ZDHHC14: variants seen among roughly 807,000 people sequenced by gnomAD.
ZDHHC14 encodes the protein palmitoyltransferase ZDHHC14.
Under a neutral mutation model 47.7 loss-of-function variants are expected in ZDHHC14, and 16 were observed. That is an observed-to-expected ratio of 0.34 (90% CI 0.23 to 0.51). The LOEUF (loss-of-function observed/expected upper bound fraction) is 0.51. ZDHHC14 is among the 20% of genes least tolerant of loss of function. The probability of loss-of-function intolerance (pLI) is 0.97; values close to 1 mark genes in which losing one functional copy is unlikely to be tolerated. For missense variants in ZDHHC14, 515 were observed against 662.5 expected (o/e 0.78, Z 2.44); for synonymous variants, 293 against 278.9 (o/e 1.05, Z -0.50).
chr6:157,535,382 C>G (rs140399981), intron 1 of ZDHHC14, among the ~76,000 whole-genome samples: 1 of 152,306 alleles, frequency 6.6e-6, no homozygotes, highest in Non-Finnish European at 1.5e-5. Context: ...CTTCCTCCTC[C>G]CTTAGCAAGC....
chr6:157,597,504 A>T (rs1784178159), intron 3 of ZDHHC14, among the ~76,000 whole-genome samples: 1 of 152,252 alleles, frequency 6.6e-6, no homozygotes, highest in Non-Finnish European at 1.5e-5. Context: ...CTGTGGACAA[A>T]CTAATAAGAA....
intron 8 of ZDHHC14, among the ~76,000 whole-genome samples, chr6:157,670,514 G>A (rs973066037): frequency 6.6e-6 from 1 of 152,040 alleles, no homozygotes; most frequent in Non-Finnish European, 1.5e-5. Context: ...AGCTGGTCTC[G>A]AACTCCTGAG....
intron 1 of ZDHHC14, among the ~76,000 whole-genome samples, chr6:157,457,531 A>G (rs964809131): frequency 3.3e-5 from 5 of 152,192 alleles, no homozygotes; most frequent in African/African-American, 1.2e-4. Flanking sequence ...CACAAAAATG[A>G]AGTAAAGATG....
At chr6:157,650,250 C>T (rs569710183) in intron 7 of ZDHHC14, among the ~76,000 whole-genome samples, 7 of 152,144 alleles carry the variant, frequency 4.6e-5, no homozygotes, top group South Asian at 2.1e-4. Flanking sequence ...GAGGAGGAAG[C>T]GGTGGGGAGG....
rs1783975339 is a variant in ZDHHC14, at chr6:157,592,972, CTTCTT to C, written c.407-11_407-7del. ...GGCTCTGAAGGTGTGCGCTCTTTCT[CTTCTT>C]TTCTCCACAGATATCGCAAACGGCA... On this transcript the variant is annotated splice_polypyrimidine_tract_variant and intron_variant, in intron 2 of 8. Transcript: ENST00000359775. 1.2e-6 allele frequency: 2 copies of C among 1,605,620 alleles called. No homozygotes were observed. The highest frequency in any genetic ancestry group is 2.7e-5 in the African/African-American group (2 of 74,586).
intron 3 of ZDHHC14, among the ~76,000 whole-genome samples, chr6:157,609,729 G>C (rs1166955254): frequency 1.3e-5 from 2 of 152,224 alleles, no homozygotes; most frequent in African/African-American, 4.8e-5. Flanking sequence ...GCAGATGGTG[G>C]CCCAAGGAGT....
At chr6:157,604,241 C>G (rs1784443288) in intron 3 of ZDHHC14, among the ~76,000 whole-genome samples, 1 of 150,154 alleles carries the variant, frequency 6.7e-6, no homozygotes, top group South Asian at 2.1e-4. Flanking sequence ...GAACCTTGAT[C>G]ACGCCTCTGC....
At chr6:157,538,300 T>C (rs1781615434) in intron 1 of ZDHHC14, among the ~76,000 whole-genome samples, 2 of 152,148 alleles carry the variant, frequency 1.3e-5, no homozygotes. Context: ...AGCTGAGGAA[T>C]ATCCTGTCCT....
chr6:157,409,846 G>C lies in ZDHHC14; in HGVS notation c.245+27580G>C, dbSNP rs910361336. Among the ~76,000 whole-genome samples, 3 of 151,516 alleles carry C rather than the reference G, an allele frequency of 2.0e-5. No homozygotes were observed. In the East Asian group the frequency reaches 5.8e-4, roughly 29 times the overall value. On this transcript the variant is annotated intron_variant, in intron 1 of 8. Transcript: ENST00000359775. ...TTTTATTATTTTATTTTTTGGGGGG[G>C]GGGACAGAGTCTTCTTCTGTCACCC... is the stretch of plus-strand genomic sequence containing the variant.
At chr6:157,421,896 C>A (rs750915841) in intron 1 of ZDHHC14, among the ~76,000 whole-genome samples, 1 of 152,162 alleles carries the variant, frequency 6.6e-6, no homozygotes, top group Non-Finnish European at 1.5e-5. Context: ...GTGTGAGCCA[C>A]CGCGCCCGGC....
chr6:157,573,474 G>C (rs1003141101), intron 2 of ZDHHC14, among the ~76,000 whole-genome samples: 1 of 152,200 alleles, frequency 6.6e-6, no homozygotes, highest in Non-Finnish European at 1.5e-5. Flanking sequence ...TCCAGCAAGG[G>C]CAGAGAGACG....
rs1351687895 is a variant in ZDHHC14 at position 157,536,857 on chromosome 6, C to G, written c.246-5728C>G. Among the ~76,000 whole-genome samples the G allele has an allele frequency of 1.2e-4, 5 of 41,850 alleles. 2 individuals carry two copies. The highest frequency in any genetic ancestry group is 2.3e-4 in the Non-Finnish European group (5 of 21,964). 27.5% of individuals were successfully genotyped at this position (41,850 alleles called of 152,430 possible). A position where few individuals can be genotyped will look rare whatever the true frequency, so the allele number is the denominator to read the frequency against. On this transcript the variant is annotated intron_variant, in intron 1 of 8. Coordinates refer to ENST00000359775, the MANE Select transcript of ZDHHC14 (RefSeq NM_024630.3). ...TTTTTGAGACAGAGTCTCGCTCTGT[C>G]GCCCAGGCTGGAGTGCAGTGGCGGG...
chr6:157,479,271 T>C (rs546316601), intron 1 of ZDHHC14, among the ~76,000 whole-genome samples: 1 of 152,386 alleles, frequency 6.6e-6, no homozygotes, highest in African/African-American at 2.4e-5. Context: ...TGAACACAGA[T>C]ATATAAATGT....
chr6:157,673,117 G>A lies in ZDHHC14; in HGVS notation c.1462G>A (p.Val488Met), dbSNP rs1423300843. 10 of 1,571,322 alleles carry A rather than the reference G, an allele frequency of 6.4e-6. No individual in the cohort carries two copies. Among genetic ancestry groups the A allele is most frequent in the Admixed American group, 3.6e-5 (2 of 56,198 alleles). The change falls in exon 9 of 9, where the codon GTG becomes ATG. Residue 488 changes from valine (V) to methionine (M), a missense_variant. Coordinates refer to ENST00000359775, the MANE Select transcript of ZDHHC14 (RefSeq NM_024630.3). The surrounding 1 kb of genome is among the most constrained non-coding windows in gnomAD (Gnocchi z 5.4). ...GCGCGGCCTGGTGAAGCTCAGCTCC[G>A]TGTGACCCACATGGCCCCAGGCCGG... is the stretch of plus-strand genomic sequence containing the variant. ...SVRGLVKLSS[V>M]
chr6:157,393,399 C>T (rs1019626413), intron 1 of ZDHHC14, among the ~76,000 whole-genome samples: 16 of 152,180 alleles, frequency 1.1e-4, no homozygotes, highest in Non-Finnish European at 4.4e-5. Context: ...GGAGGAATGG[C>T]GATCTAACCC....
chr6:157,452,910 G>T (rs1778836696), intron 1 of ZDHHC14, among the ~76,000 whole-genome samples: 1 of 151,882 alleles, frequency 6.6e-6, no homozygotes, highest in South Asian at 2.1e-4. Flanking sequence ...TCACCGTGTT[G>T]GTCAGGCTGG....
At chr6:157,471,525 G>A (rs778905770) in intron 1 of ZDHHC14, among the ~76,000 whole-genome samples, 6 of 152,190 alleles carry the variant, frequency 3.9e-5, no homozygotes, top group Non-Finnish European at 7.3e-5. Context: ...GTTTCGCGTC[G>A]GTTAATGCTG....
intron 1 of ZDHHC14, among the ~76,000 whole-genome samples, chr6:157,413,344 T>C (rs1379435176): frequency 6.6e-6 from 1 of 152,190 alleles, no homozygotes; most frequent in African/African-American, 2.4e-5. Context: ...GATTTACATA[T>C]GGAGAGAGAG....
chr6:157,388,420 A>G (rs1351283462), intron 1 of ZDHHC14, among the ~76,000 whole-genome samples: 3 of 152,220 alleles, frequency 2.0e-5, no homozygotes, highest in Non-Finnish European at 4.4e-5. Context: ...AGTGTTGCAC[A>G]TAATTTATTC....
Sources: gnomAD v4.1 joint callset for allele counts (sites outside exome capture counted in the v4.1 genomes callset) on GRCh38, gnomAD v4.1.1 for gene constraint, Gnocchi (gnomAD v3.1) non-coding constraint, MANE v1.5 for transcripts, NCBI Gene and HGNC (gene_info 2026-07-23, HGNC 2026-07-21) for gene names.